DNASE1L1: variants seen among roughly 807,000 people sequenced by gnomAD.
The protein encoded by DNASE1L1 is deoxyribonuclease 1 like 1, also known as deoxyribonuclease-1-like 1.
A neutral mutation model predicts 18.6 loss-of-function variants in DNASE1L1; 8 were observed. The observed-to-expected ratio is 0.43, with a 90% CI of 0.25 to 0.78. The LOEUF (loss-of-function observed/expected upper bound fraction) is 0.78. Ranked by LOEUF, DNASE1L1 falls within the 30% of genes least tolerant of loss-of-function variation. DNASE1L1 has a pLI of 0.23. For synonymous variants in DNASE1L1, 114 were observed against 114.2 expected (o/e 1.00, Z 0.01); for missense variants, 214 against 258.2 (o/e 0.83, Z 1.17).
At chrX:154,407,587 C>CTT (rs782217648) in intron 1 of DNASE1L1, among the ~76,000 whole-genome samples, 15 of 74,763 alleles carry the variant, frequency 2.0e-4, no homozygotes, top group African/African-American at 4.1e-4. Flanking sequence ...CCTAGTCTAC[C>CTT]TTTTTTTTTT....
Position 154,403,200 on chromosome X carries a change from C to T in DNASE1L1, c.526-10G>A, listed in dbSNP as rs200120323. 1 of 1,210,088 alleles carries T rather than the reference C, an allele frequency of 8.3e-7. No homozygotes were observed. The highest frequency in any genetic ancestry group is 1.1e-6 in the Non-Finnish European group (1 of 894,251). Reference sequence around the variant, plus strand: ...CAAGCAGGATCACGTCCTAGAGACACAGCAGCCATCAGGCTGGCCGCTGGG... The same window carrying T: ...CAAGCAGGATCACGTCCTAGAGACATAGCAGCCATCAGGCTGGCCGCTGGG... On this transcript the variant is annotated splice_polypyrimidine_tract_variant and intron_variant, in intron 6 of 7. Coordinates refer to ENST00000369807, the MANE Select transcript of DNASE1L1 (RefSeq NM_001303620.2).
At position 154,402,857 on chromosome X, in the gene DNASE1L1, G is replaced by T; in HGVS notation, c.775-16C>A. 8.3e-7 allele frequency: 1 copy of T among 1,206,636 alleles called. No homozygotes were observed. Among genetic ancestry groups the T allele is most frequent in the African/African-American group, 1.7e-5 (1 of 57,810 alleles). ...TGTTGAGGGCCTGGGAATGGGTGGT[G>T]GGGCAGTGTCAGTGCCCGGGGCCGA... On this transcript the variant is annotated splice_polypyrimidine_tract_variant and intron_variant, in intron 7 of 7. Coordinates refer to ENST00000369807, the MANE Select transcript of DNASE1L1 (RefSeq NM_001303620.2).
chrX:154,411,697 G>C (rs1557190532), upstream of DNASE1L1: 1 of 557,551 alleles, frequency 1.8e-6, no homozygotes, highest in Admixed American at 2.7e-5. Context: ...AGGGACCTCG[G>C]TCCAGTCCCC....
chrX:154,403,307 C>G lies in DNASE1L1; in HGVS notation c.487G>C (p.Asp163His). 8.3e-7 allele frequency: 1 copy of G among 1,211,378 alleles called. No homozygotes were observed. The highest frequency in any genetic ancestry group is 3.0e-5 in the East Asian group (1 of 33,838). Residue 163 changes from aspartate to histidine, a missense_variant, in exon 6 of 8, where the codon GAT becomes CAT. Physicochemically the swap from Asp to His is moderately conservative, Grantham distance 81. Coordinates refer to ENST00000369807, the MANE Select transcript of DNASE1L1 (RefSeq NM_001303620.2). Reference protein sequence around the residue: ...AVEKELNALYDVFLEVSQHWQ... With the variant: ...AVEKELNALYHVFLEVSQHWQ... ...TGCTGGGAGACCTCCAGAAACACAT[C>G]GTAGAGGGCGTTCAGCTCCTTCTCT... is the stretch of plus-strand genomic sequence containing the variant.
rs1293157256 is a variant in DNASE1L1 at position 154,402,103 on chromosome X, T to C, written c.*604A>G. On this transcript the variant is annotated 3_prime_UTR_variant, in exon 8 of 8. Coordinates refer to ENST00000369807, the MANE Select transcript of DNASE1L1 (RefSeq NM_001303620.2). ...ACTTTACCAGGCATGCAGAAGCCTG[T>C]ACCAACACAGACTACAGCACCCAGG... is the stretch of plus-strand genomic sequence containing the variant. The C allele has an allele frequency of 8.8e-6, 1 of 114,183 alleles. No homozygotes were observed. Among genetic ancestry groups the C allele is most frequent in the Non-Finnish European group, 1.8e-5 (1 of 54,329 alleles). 9.4% of individuals were successfully genotyped at this position (114,183 alleles called of 1,213,427 possible).
chrX:154,408,817 G>T, intron 1 of DNASE1L1: 1 of 129,917 alleles, frequency 7.7e-6, no homozygotes, highest in South Asian at 1.9e-4. Context: ...CTGACCACCT[G>T]CTCTGTCACT....
In DNASE1L1 at chrX:154,401,681, G is replaced by A. The variant is rs972866984; in HGVS notation, c.*1026C>T. 8 of 111,989 alleles carry A rather than the reference G, an allele frequency of 7.1e-5. No homozygotes were observed. Among genetic ancestry groups the A allele is most frequent in the Non-Finnish European group, 1.1e-4 (6 of 53,123 alleles). The allele number at this position is 111,989 out of a possible 1,213,427, so 9.2% of individuals were successfully genotyped here. On this transcript the variant is annotated 3_prime_UTR_variant, in exon 8 of 8. Transcript: ENST00000369807. ...AAAGGCTTTTGGTCCCAGAGCTGGG[G>A]TATGTTGGCCCCAGCCCCCAGCCTG...
At position 154,401,859 on chromosome X, in the gene DNASE1L1, T is replaced by C. The variant is rs894481836; in HGVS notation, c.*848A>G. 8.9e-6 allele frequency: 1 copy of C among 112,026 alleles called. No individual in the cohort carries two copies. The highest frequency in any genetic ancestry group is 3.3e-5 in the African/African-American group (1 of 30,735). The allele number at this position is 112,026 out of a possible 1,213,427, so 9.2% of individuals were successfully genotyped here. A position where few individuals can be genotyped will look rare whatever the true frequency, so the allele number is the denominator to read the frequency against. On this transcript the variant is annotated 3_prime_UTR_variant, in exon 8 of 8. Transcript: ENST00000369807. The stretch of plus-strand genomic sequence containing the variant: ...TGATGGTTCCAAACCATAAATGTGA[T>C]TATAGTTAACACATGACCCTTCTAG...
intron 4 of DNASE1L1, 190 bp from the exon 5 acceptor site, chrX:154,403,812 A>C (rs1244946902): frequency 2.5e-5 from 11 of 432,784 alleles, no homozygotes; most frequent in Non-Finnish European, 4.5e-5. Context: ...CTTCAAGTAT[A>C]CAACACGGTT....
At position 154,402,612 on chromosome X, in the gene DNASE1L1, A is replaced by C; in HGVS notation, c.*95T>G. 1.2e-6 allele frequency: 1 copy of C among 855,333 alleles called. No homozygotes were observed. The highest frequency in any genetic ancestry group is 1.6e-6 in the Non-Finnish European group (1 of 620,608). 70.5% of individuals were successfully genotyped at this position (855,333 alleles called of 1,213,427 possible). A position where few individuals can be genotyped will look rare whatever the true frequency, so the allele number is the denominator to read the frequency against. On this transcript the variant is annotated 3_prime_UTR_variant, in exon 8 of 8. Coordinates refer to ENST00000369807, the MANE Select transcript of DNASE1L1 (RefSeq NM_001303620.2). ...GGTGGACTACAGTCACAGGGCAACT[A>C]TAGTTGAAGCCCCCCAGCCCCAGGG...
At position 154,403,399 on chromosome X, in the gene DNASE1L1, C is replaced by T. The variant is rs1384777883; in HGVS notation, c.413-18G>A. The stretch of plus-strand genomic sequence containing the variant: ...GGGAAGGACTGCAAGGCCCAGGGAC[C>T]GAGGGCTGCCATCCACTCCTGGACC... On this transcript the variant is annotated intron_variant, in intron 5 of 7. Transcript: ENST00000369807. The T allele has an allele frequency of 3.3e-6, 4 of 1,206,423 alleles. No individual in the cohort carries two copies. Among genetic ancestry groups the T allele is most frequent in the African/African-American group, 1.7e-5 (1 of 57,659 alleles).
Position 154,403,156 on chromosome X carries a change from C to T in DNASE1L1, c.560G>A (p.Cys187Tyr). The change falls in exon 7 of 8, where the codon TGC (cysteine) becomes TAC (tyrosine). Residue 187 changes from cysteine to tyrosine, a missense_variant. Physicochemically the swap from Cys to Tyr is radical, Grantham distance 194. Coordinates refer to ENST00000369807, the MANE Select transcript of DNASE1L1 (RefSeq NM_001303620.2). ...CAGGCGCTTTTTGGTCAGTGAAGCG[C>T]AGTCAGCATTGAAGTCCCCAAGCAG... is the stretch of plus-strand genomic sequence containing the variant. ...VILLGDFNAD[C>Y]ASLTKKRLDK... The T allele has an allele frequency of 8.3e-7, 1 of 1,211,600 alleles. No individual in the cohort carries two copies. Among genetic ancestry groups the T allele is most frequent in the Non-Finnish European group, 1.1e-6 (1 of 895,511 alleles).
rs782617070 is a variant in DNASE1L1, at chrX:154,403,341, A to C, written c.453T>G (p.Pro151=). The C allele has an allele frequency of 9.9e-6, 12 of 1,209,570 alleles. No individual in the cohort carries two copies. The highest frequency in any genetic ancestry group is 3.5e-5 in the South Asian group (2 of 56,825). The change falls in exon 6 of 8, where the codon CCT becomes CCG. Residue 151 remains proline (P), a synonymous_variant. Transcript: ENST00000369807. ...SLVLVPLHTT[P]KAVEKELNAL... is the part of the protein sequence containing the mutation. ...CGTTCAGCTCCTTCTCTACGGCCTT[A>C]GGAGTGGTGTGCAGCGGGACCAACA...
At chrX:154,406,432 C>T (rs1351927840) in intron 1 of DNASE1L1, among the ~76,000 whole-genome samples, 2 of 97,108 alleles carry the variant, frequency 2.1e-5, no homozygotes, top group African/African-American at 4.0e-5. Flanking sequence ...TGCAATGGTG[C>T]GATCTCGGCT....
chrX:154,403,494 C>T (rs1213915663), intron 5 of DNASE1L1, 28 bp downstream of exon 5: 1 of 1,203,361 alleles, frequency 8.3e-7, no homozygotes, highest in Admixed American at 2.2e-5. Flanking sequence ...TCTGCTCCCA[C>T]ATACCAAGCC....
upstream of DNASE1L1, chrX:154,411,843 G>A: frequency 8.4e-7 from 1 of 1,190,660 alleles, no homozygotes; most frequent in South Asian, 1.8e-5. Flanking sequence ...GCCGGGTGGG[G>A]ATGCCTCTGC....
chrX:154,411,802 C>T (rs1557190700), upstream of DNASE1L1: 2 of 1,127,755 alleles, frequency 1.8e-6, no homozygotes, highest in East Asian at 3.3e-5. Flanking sequence ...CCCCACAGGC[C>T]GGCCCGGGGC....
chrX:154,405,695 C>G, intron 1 of DNASE1L1, 40 bp from the exon 2 acceptor site: 1 of 684,026 alleles, frequency 1.5e-6, no homozygotes, highest in Non-Finnish European at 2.0e-6. Context: ...AGCTGCTGCC[C>G]AGCACCAGCC....
chrX:154,407,528 T>C (rs1158530047), intron 1 of DNASE1L1, among the ~76,000 whole-genome samples: 3 of 104,359 alleles, frequency 2.9e-5, no homozygotes, highest in Non-Finnish European at 5.9e-5. Flanking sequence ...TGTGAGCCAC[T>C]GCGCCCAGCC....
Sources: allele counts gnomAD v4.1 joint callset (sites outside exome capture counted in the v4.1 genomes callset), GRCh38; gene constraint gnomAD v4.1.1; transcripts MANE v1.5; gene names NCBI Gene and HGNC (gene_info 2026-07-23, HGNC 2026-07-21).